The following BCAT1 variants were observed in gnomAD, a reference collection of about 807,000 sequenced individuals.
BCAT1 encodes branched-chain-amino-acid aminotransferase, cytosolic.
A neutral mutation model predicts 52.4 loss-of-function variants in BCAT1; 48 were observed. The ratio of observed to expected loss-of-function variants is 0.92; its 90% confidence interval spans 0.73 to 1.16. BCAT1 has a LOEUF of 1.16. BCAT1 is among the 50% of genes most tolerant of loss of function. BCAT1 has a pLI of 0.00. For synonymous variants in BCAT1, 167 were observed against 161.3 expected (o/e 1.04, Z -0.27); for missense variants, 451 against 457.1 (o/e 0.99, Z 0.12).
chr12:24,925,780 C>T (rs1406333761), intron 1 of BCAT1, among the ~76,000 whole-genome samples: 4 of 152,166 alleles, frequency 2.6e-5, no homozygotes, highest in South Asian at 4.1e-4. Flanking sequence ...TTGGTGGAGA[C>T]GGGGTTTCGC....
chr12:24,853,649 T>G (rs1447988299), intron 5 of BCAT1, among the ~76,000 whole-genome samples: 1 of 152,144 alleles, frequency 6.6e-6, no homozygotes, highest in African/African-American at 2.4e-5. Context: ...ACAAGAGTAT[T>G]TTATTATATA....
At chr12:24,911,893 T>C (rs942079419) in intron 1 of BCAT1, among the ~76,000 whole-genome samples, 5 of 152,212 alleles carry the variant, frequency 3.3e-5, no homozygotes, top group Non-Finnish European at 5.9e-5. Flanking sequence ...ACAATTAAGC[T>C]TATAATTTTG....
At chr12:24,899,637 T>C (rs1014122594) in intron 2 of BCAT1, among the ~76,000 whole-genome samples, 3 of 152,060 alleles carry the variant, frequency 2.0e-5, no homozygotes, top group African/African-American at 7.2e-5. Flanking sequence ...CACCTAAGTG[T>C]CCATCAATGA....
intron 5 of BCAT1, among the ~76,000 whole-genome samples, chr12:24,855,859 C>T (rs1941663344): frequency 6.6e-6 from 1 of 151,802 alleles, no homozygotes; most frequent in Non-Finnish European, 1.5e-5. Context: ...AAATCCTGGC[C>T]TCAAGTTACC....
At chr12:24,830,987 G>C (rs1940640199) in intron 9 of BCAT1, among the ~76,000 whole-genome samples, 1 of 152,160 alleles carries the variant, frequency 6.6e-6, no homozygotes, top group African/African-American at 2.4e-5. Flanking sequence ...TTGAAAACCA[G>C]TGGAGTTTGC....
In BCAT1 at chr12:24,816,698, C is replaced by T. The variant is rs1184235148; in HGVS notation, c.*1310G>A. 5.0e-6 allele frequency: 2 copies of T among 396,110 alleles called. No individual in the cohort carries two copies. Among genetic ancestry groups the T allele is most frequent in the Non-Finnish European group, 8.9e-6 (2 of 224,756 alleles). 24.5% of individuals were successfully genotyped at this position (396,110 alleles called of 1,614,324 possible). ...ATGACCTCTCTCTAGAGCAGTGGTC[C>T]CCAACATTTTTGGCACCAGGGACCA... On this transcript the variant is annotated 3_prime_UTR_variant, in exon 11 of 11. Coordinates refer to ENST00000261192, the MANE Select transcript of BCAT1 (RefSeq NM_005504.7).
chr12:24,857,321 G>A (rs762747315), intron 5 of BCAT1, among the ~76,000 whole-genome samples: 4 of 152,152 alleles, frequency 2.6e-5, no homozygotes, highest in Non-Finnish European at 5.9e-5. Context: ...CCACACCTGT[G>A]GTTAAATCAT....
Position 24,822,859 on chromosome 12 carries a change from G to A in BCAT1, c.1120-4810C>T, listed in dbSNP as rs116182861. 6.0e-3 allele frequency among the ~76,000 whole-genome samples: 908 copies of A among 151,958 alleles called. 6 individuals are homozygous for A. Among genetic ancestry groups the A allele is most frequent in the African/African-American group, 0.021 (873 of 41,448 alleles). On this transcript the variant is annotated intron_variant, in intron 10 of 10. Transcript: ENST00000261192. ...ACTACCATTATACTTTACTACCAAC[G>A]GTGAAAAAAGAAATTATTCATTTCT...
In BCAT1 at chr12:24,818,030, T is replaced by C; in HGVS notation, c.1139A>G (p.Asp380Gly). Residue 380 changes from aspartate to glycine, a missense_variant, in exon 11 of 11, where the codon GAC becomes GGC. Transcript: ENST00000261192. ...TDIQYGREES[D>G]WTIVLS ...CATTCAGGATAGCACAATTGTCCAG[T>C]CGCTCTCTTCTCTTCCATACTGCAA... 3 of 1,613,136 alleles carry C rather than the reference T, an allele frequency of 1.9e-6. No homozygotes were observed. Among genetic ancestry groups the C allele is most frequent in the Non-Finnish European group, 1.7e-6 (2 of 1,179,406 alleles).
intron 6 of BCAT1, among the ~76,000 whole-genome samples, chr12:24,844,575 G>A (rs1941276913): frequency 6.6e-6 from 1 of 151,930 alleles, no homozygotes; most frequent in Non-Finnish European, 1.5e-5. Context: ...GGAGCACGAT[G>A]AGGTTGACTC....
chr12:24,818,487 G>A (rs1360389594), intron 10 of BCAT1, among the ~76,000 whole-genome samples: 1 of 152,178 alleles, frequency 6.6e-6, no homozygotes, highest in Non-Finnish European at 1.5e-5. Context: ...CAGACAACAA[G>A]TTAAAAATGC....
chr12:24,906,572 A>T (rs1396549452), intron 1 of BCAT1, among the ~76,000 whole-genome samples: 1 of 152,206 alleles, frequency 6.6e-6, no homozygotes, highest in African/African-American at 2.4e-5. Context: ...ATAGATGAGC[A>T]TTAATATATG....
chr12:24,899,221 C>T (rs1339128135), intron 2 of BCAT1, among the ~76,000 whole-genome samples: 2 of 152,108 alleles, frequency 1.3e-5, no homozygotes, highest in Admixed American at 1.3e-4. Flanking sequence ...AATATGACTG[C>T]ATCATAAATG....
chr12:24,870,533 A>G (rs1942156161), intron 5 of BCAT1, among the ~76,000 whole-genome samples: 1 of 152,190 alleles, frequency 6.6e-6, no homozygotes, highest in African/African-American at 2.4e-5. Flanking sequence ...TTATATTATG[A>G]AAGTCTGACC....
chr12:24,842,426 A>G (rs932414353), intron 6 of BCAT1, among the ~76,000 whole-genome samples: 1 of 152,212 alleles, frequency 6.6e-6, no homozygotes, highest in Non-Finnish European at 1.5e-5. Context: ...AACTGCATTC[A>G]TTGGAGAGAG....
chr12:24,853,591 C>G (rs1162090230), intron 5 of BCAT1, among the ~76,000 whole-genome samples: 2 of 152,112 alleles, frequency 1.3e-5, no homozygotes, highest in Non-Finnish European at 2.9e-5. Flanking sequence ...ACTCCTGACT[C>G]TCACATAAAT....
intron 2 of BCAT1, among the ~76,000 whole-genome samples, chr12:24,900,792 G>T (rs535427372): frequency 6.6e-6 from 1 of 152,102 alleles, no homozygotes. Flanking sequence ...TTAGCTGGGC[G>T]TGATGGCACA....
At chr12:24,916,440 A>G (rs1377691358) in intron 1 of BCAT1, among the ~76,000 whole-genome samples, 3 of 152,232 alleles carry the variant, frequency 2.0e-5, no homozygotes, top group Non-Finnish European at 4.4e-5. Context: ...CACTCAAAAA[A>G]AAGACATTCC....
intron 10 of BCAT1, among the ~76,000 whole-genome samples, chr12:24,824,231 T>TTTCCTTCCTTTCTTCC (rs1940277897): frequency 4.7e-5 from 1 of 21,074 alleles, no homozygotes; most frequent in Non-Finnish European, 1.3e-4. Flanking sequence ...TGAGTTTACA[T>TTTCCTTCCTTTCTTCC]TTCCTTCCTT....
Sources: allele counts gnomAD v4.1 joint callset (sites outside exome capture counted in the v4.1 genomes callset), GRCh38; gene constraint gnomAD v4.1.1; transcripts MANE v1.5; gene names NCBI Gene and HGNC (gene_info 2026-07-23, HGNC 2026-07-21).